Variants in CRX observed in about 807,000 individuals in gnomAD.
CRX encodes the protein cone-rod homeobox protein.
Under a neutral mutation model 13.1 loss-of-function variants are expected in CRX, and 5 were observed. The observed-to-expected ratio is 0.38, with a 90% CI of 0.20 to 0.80. The LOEUF (loss-of-function observed/expected upper bound fraction) is 0.80. Ranked by LOEUF, CRX falls within the 30% of genes least tolerant of loss-of-function variation. CRX has a pLI of 0.43. For missense variants in CRX, 351 were observed against 391.8 expected, an observed-to-expected ratio of 0.90 and a Z score of 0.88; for synonymous variants, 179 against 171.1, an observed-to-expected ratio of 1.05 and a Z score of -0.36.
chr19:47,838,895 G>A (rs1169851266), intron 3 of CRX, among the ~76,000 whole-genome samples: 3 of 151,654 alleles, frequency 2.0e-5, no homozygotes, highest in African/African-American at 7.3e-5. Flanking sequence ...ATATAGATGG[G>A]TAAATGTATG....
intron 2 of CRX, among the ~76,000 whole-genome samples, chr19:47,835,538 C>A (rs1968106914): frequency 6.6e-6 from 1 of 151,962 alleles, no homozygotes; most frequent in South Asian, 2.1e-4. Flanking sequence ...GCGCACACCA[C>A]CATGCCCGGC....
intron 1 of CRX, among the ~76,000 whole-genome samples, chr19:47,831,584 C>T (rs1444716716): frequency 6.6e-6 from 1 of 152,080 alleles, no homozygotes; most frequent in Non-Finnish European, 1.5e-5. Flanking sequence ...GAAAAATTAT[C>T]TTCTACGAAA....
rs71180889 is a variant in CRX at position 47,829,804 on chromosome 19, A to AT, written c.-35-4594dup. 1.1e-3 allele frequency among the ~76,000 whole-genome samples: 160 copies of AT among 141,640 alleles called. 1 individual carries two copies. Among genetic ancestry groups the AT allele is most frequent in the Admixed American group, 1.6e-3 (22 of 14,004 alleles). The allele number at this position is 141,640 out of a possible 152,430, so 92.9% of individuals were successfully genotyped here. A position where few individuals can be genotyped will look rare whatever the true frequency, so the allele number is the denominator to read the frequency against. On this transcript the variant is annotated intron_variant, in intron 1 of 3. Coordinates refer to ENST00000221996, the MANE Select transcript of CRX (RefSeq NM_000554.6). Reference sequence around the variant, plus strand: ...ACCACCATGCCTGACCAATTTTTGTATTTTTTTTTTTGTGGAGACAGCGTT... The same window carrying AT: ...ACCACCATGCCTGACCAATTTTTGTATTTTTTTTTTTTGTGGAGACAGCGTT...
In CRX at chr19:47,832,100, C is replaced by CTTATGT. The variant is rs1157435167; in HGVS notation, c.-35-2306_-35-2301dup. Among the ~76,000 whole-genome samples, 364 of 79,804 alleles carry CTTATGT rather than the reference C, an allele frequency of 4.6e-3. 18 individuals carry two copies. The highest frequency in any genetic ancestry group is 0.031 in the East Asian group (127 of 4,126). 52.4% of individuals were successfully genotyped at this position (79,804 alleles called of 152,430 possible). On this transcript the variant is annotated intron_variant, in intron 1 of 3. Coordinates refer to ENST00000221996, the MANE Select transcript of CRX (RefSeq NM_000554.6). ...TTTTAAAATCAGTTCAGAGAGCAGC[C>CTTATGT]TTATGTTTTTTTTTTTTTTTTTTGA...
At chr19:47,829,230 C>T (rs964972234) in intron 1 of CRX, among the ~76,000 whole-genome samples, 1 of 152,112 alleles carries the variant, frequency 6.6e-6, no homozygotes, top group Non-Finnish European at 1.5e-5. Flanking sequence ...GGTCTCCTGC[C>T]TCCGCTTCCC....
chr19:47,827,537 CTTTTTTT>C (rs71180887), intron 1 of CRX, among the ~76,000 whole-genome samples: 3 of 90,384 alleles, frequency 3.3e-5, no homozygotes, highest in African/African-American at 9.2e-5. Context: ...TTTCTGAAGG[CTTTTTTT>C]TTTTTTTTTT....
At chr19:47,833,064 A>G (rs1239775232) in intron 1 of CRX, among the ~76,000 whole-genome samples, 6 of 44,652 alleles carry the variant, frequency 1.3e-4, no homozygotes, top group Non-Finnish European at 2.8e-4. Flanking sequence ...ATAGGGGTCT[A>G]TTTCTTTTTC....
rs373131420 is a variant in CRX, at chr19:47,829,781, C to A, written c.-35-4628C>A. The stretch of plus-strand genomic sequence containing the variant: ...AGTAGCTGAGACTACAGGTGCGGAC[C>A]ACCATGCCTGACCAATTTTTGTATT... On this transcript the variant is annotated intron_variant, in intron 1 of 3. Coordinates refer to ENST00000221996, the MANE Select transcript of CRX (RefSeq NM_000554.6). 2.7e-5 allele frequency among the ~76,000 whole-genome samples: 4 copies of A among 150,896 alleles called. No homozygotes were observed. The East Asian group carries it at 5.8e-4, about 22-fold the overall frequency.
chr19:47,838,995 G>A (rs549579808), intron 3 of CRX, among the ~76,000 whole-genome samples: 1 of 152,080 alleles, frequency 6.6e-6, no homozygotes, highest in South Asian at 2.1e-4. Flanking sequence ...TATGATGTAT[G>A]TATGATCATA....
intron 1 of CRX, among the ~76,000 whole-genome samples, chr19:47,828,961 C>T (rs769964478): frequency 1.4e-5 from 2 of 145,976 alleles, no homozygotes; most frequent in Non-Finnish European, 3.0e-5. Flanking sequence ...GTAATCCAAA[C>T]TATAGAGACA....
chr19:47,823,282 T>C (rs1246488652), intron 1 of CRX, among the ~76,000 whole-genome samples: 1 of 152,114 alleles, frequency 6.6e-6, no homozygotes, highest in Admixed American at 6.6e-5. Flanking sequence ...TAGAAGCAGG[T>C]AGACAGACTG....
chr19:47,824,373 C>A (rs1396084201), intron 1 of CRX, among the ~76,000 whole-genome samples: 3 of 152,200 alleles, frequency 2.0e-5, no homozygotes, highest in Non-Finnish European at 4.4e-5. Flanking sequence ...GGCTCCGGGG[C>A]AGGTGCTGGC....
chr19:47,825,825 G>A (rs1219026100), intron 1 of CRX, among the ~76,000 whole-genome samples: 1 of 152,190 alleles, frequency 6.6e-6, no homozygotes, highest in Non-Finnish European at 1.5e-5. Context: ...GGGAGGCTGA[G>A]GCAGAAGAAT....
Position 47,836,356 on chromosome 19 carries a change from GT to G in CRX, c.215del (p.Val72GlyfsTer3). 6.2e-7 allele frequency: 1 copy of G among 1,614,250 alleles called. No homozygotes were observed. ...CCCAGACGTCTATGCCCGTGAGGAG[GT>G]GGCTCTGAAGATCAATCTGCCTGAG... is the stretch of plus-strand genomic sequence containing the variant. ...QYPDVYAREE[V>X]ALKINLPESR... On this transcript the variant is annotated frameshift_variant, in exon 3 of 4. Transcript: ENST00000221996. LOFTEE classifies it low-confidence loss of function (END_TRUNC).
chr19:47,832,124 G>C (rs372772740), intron 1 of CRX, among the ~76,000 whole-genome samples: 3 of 18,148 alleles, frequency 1.7e-4, no homozygotes, highest in African/African-American at 4.6e-4. Context: ...TTTTTTTTTT[G>C]AGACGGAGTC....
chr19:47,837,526 T>C (rs1968132176), intron 3 of CRX, among the ~76,000 whole-genome samples: 1 of 152,170 alleles, frequency 6.6e-6, no homozygotes, highest in South Asian at 2.1e-4. Flanking sequence ...GACTGATAAA[T>C]AAAATGTGTG....
At chr19:47,834,166 AG>A (rs1461715405) in intron 1 of CRX, among the ~76,000 whole-genome samples, 1 of 152,078 alleles carries the variant, frequency 6.6e-6, no homozygotes, top group Non-Finnish European at 1.5e-5. Flanking sequence ...TAGGAATAAG[AG>A]CTTGCACTTA....
chr19:47,822,792 GT>G (rs915116527), intron 1 of CRX, among the ~76,000 whole-genome samples: 3 of 151,612 alleles, frequency 2.0e-5, no homozygotes, highest in South Asian at 2.1e-4. Context: ...TTTCTGCAAA[GT>G]TTTTTTTTGT....
At chr19:47,835,951 G>GTA (rs1968112405) in intron 2 of CRX, among the ~76,000 whole-genome samples, 1 of 151,144 alleles carries the variant, frequency 6.6e-6, no homozygotes, top group Admixed American at 6.6e-5. Flanking sequence ...GCTAGAAACG[G>GTA]TTGAATGTCA....
Sources: allele counts gnomAD v4.1 joint callset (sites outside exome capture counted in the v4.1 genomes callset), GRCh38; gene constraint gnomAD v4.1.1; transcripts MANE v1.5; gene names NCBI Gene and HGNC (gene_info 2026-07-23, HGNC 2026-07-21).